The following DTNB variants were observed in gnomAD, a reference collection of about 807,000 sequenced individuals.
DTNB encodes the protein DTN-B.
In DTNB, 63 loss-of-function variants were observed where a neutral mutation model predicts 90.7. The observed-to-expected ratio is 0.69, with a 90% CI of 0.57 to 0.86. The LOEUF is 0.86. Ranked by LOEUF, DTNB falls within the 40% of genes least tolerant of loss-of-function variation. The pLI, the probability that DTNB is intolerant of heterozygous loss-of-function variation, is 0.00. For synonymous variants in DTNB, 277 were observed against 286.7 expected, an observed-to-expected ratio of 0.97 and a Z score of 0.34; for missense variants, 744 against 807.1, an observed-to-expected ratio of 0.92 and a Z score of 0.95.
At chr2:25,478,303 C>T (rs556857427) in intron 10 of DTNB, among the ~76,000 whole-genome samples, 2 of 152,190 alleles carry the variant, frequency 1.3e-5, no homozygotes, top group Non-Finnish European at 2.9e-5. Context: ...GACCTCGTCC[C>T]TTTCACAGGA....
At chr2:25,636,766 TTA>T (rs1346413348) in intron 3 of DTNB, among the ~76,000 whole-genome samples, 1 of 152,136 alleles carries the variant, frequency 6.6e-6, no homozygotes, top group Non-Finnish European at 1.5e-5. Context: ...TTTTTTCCTA[TTA>T]TATGTTTTTA....
intron 2 of DTNB, among the ~76,000 whole-genome samples, chr2:25,643,512 AT>A (rs2078802906): frequency 6.6e-6 from 1 of 152,256 alleles, no homozygotes. Context: ...AAAAACTCTG[AT>A]CTACTTTCTC....
chr2:25,534,626 C>T (rs369685506), intron 8 of DTNB, among the ~76,000 whole-genome samples: 32 of 144,802 alleles, frequency 2.2e-4, no homozygotes, highest in South Asian at 4.5e-4. Context: ...CCAGTCGGGG[C>T]GGCCGGGCAG....
intron 4 of DTNB, among the ~76,000 whole-genome samples, chr2:25,618,008 C>T (rs1414681461): frequency 6.6e-6 from 1 of 152,120 alleles, no homozygotes; most frequent in Non-Finnish European, 1.5e-5. Context: ...CCACAAATCA[C>T]GTTACTTATA....
intron 1 of DTNB, among the ~76,000 whole-genome samples, chr2:25,659,309 C>A (rs2082686157): frequency 1.3e-5 from 2 of 152,110 alleles, no homozygotes; most frequent in African/African-American, 2.4e-5. Flanking sequence ...TTTAGGTGCA[C>A]ATGAAACATG....
chr2:25,451,412 T>C (rs2059260213), intron 12 of DTNB, 136 bp downstream of exon 12: 1 of 888,254 alleles, frequency 1.1e-6, no homozygotes, highest in Non-Finnish European at 1.7e-6. Context: ...TTCCTTCTAC[T>C]CTTAGCATGT....
At chr2:25,590,999 G>A (rs534885730) in intron 6 of DTNB, among the ~76,000 whole-genome samples, 5 of 152,356 alleles carry the variant, frequency 3.3e-5, no homozygotes, top group Admixed American at 2.0e-4. Context: ...CCCAAAGTCC[G>A]GGGGTGCTGA....
At chr2:25,446,611 A>G (rs1049821493) in intron 12 of DTNB, among the ~76,000 whole-genome samples, 1 of 151,884 alleles carries the variant, frequency 6.6e-6, no homozygotes, top group Non-Finnish European at 1.5e-5. Flanking sequence ...GTTTCTGGGG[A>G]GAAATCTAGT....
At chr2:25,427,180 A>AACAAACAC in intron 15 of DTNB, among the ~76,000 whole-genome samples, 1 of 139,656 alleles carries the variant, frequency 7.2e-6, no homozygotes, top group Admixed American at 7.2e-5. Flanking sequence ...TCCATCTCAA[A>AACAAACAC]ACACACACAC....
At chr2:25,624,997 T>C (rs1202901339) in intron 4 of DTNB, among the ~76,000 whole-genome samples, 1 of 152,190 alleles carries the variant, frequency 6.6e-6, no homozygotes, top group Non-Finnish European at 1.5e-5. Context: ...TAAAAAAAAT[T>C]AGGTCTTAAG....
At chr2:25,431,005 T>G (rs2053675100) in intron 14 of DTNB, among the ~76,000 whole-genome samples, 1 of 152,210 alleles carries the variant, frequency 6.6e-6, no homozygotes, top group African/African-American at 2.4e-5. Flanking sequence ...GTGCTGGCAG[T>G]CCCTGGCCTC....
intron 14 of DTNB, chr2:25,427,849 G>A (rs1422638318): frequency 1.4e-5 from 6 of 418,362 alleles, no homozygotes; most frequent in Non-Finnish European, 2.1e-5. Context: ...GGAAAGTTTA[G>A]ATGACTATAT....
chr2:25,553,667 G>A (rs149691730), intron 8 of DTNB, among the ~76,000 whole-genome samples: 130 of 150,930 alleles, frequency 8.6e-4, no homozygotes, highest in Middle Eastern at 3.4e-3. Flanking sequence ...TTGAACCTGG[G>A]AGGCGGAGGT....
At chr2:25,390,754 T>C (rs1220028499) in intron 16 of DTNB, among the ~76,000 whole-genome samples, 2 of 152,066 alleles carry the variant, frequency 1.3e-5, no homozygotes, top group Non-Finnish European at 2.9e-5. Flanking sequence ...ACCAAACTTC[T>C]GCTTTTCAAA....
chr2:25,526,460 A>T (rs1406760666), intron 9 of DTNB, among the ~76,000 whole-genome samples: 1 of 144,664 alleles, frequency 6.9e-6, no homozygotes. Flanking sequence ...CAATGGCGCG[A>T]TCTCAGCTCA....
At chr2:25,474,843 A>T (rs866754674) in intron 10 of DTNB, among the ~76,000 whole-genome samples, 21 of 152,260 alleles carry the variant, frequency 1.4e-4, no homozygotes, top group South Asian at 2.1e-4. Context: ...CTCCATTATT[A>T]TCATCATATC....
chr2:25,657,796 A>G (rs761883057), intron 1 of DTNB, among the ~76,000 whole-genome samples: 1 of 152,246 alleles, frequency 6.6e-6, no homozygotes, highest in Non-Finnish European at 1.5e-5. Context: ...AAAAGCTCTG[A>G]ACAGAAATCT....
At chr2:25,520,019 T>C (rs1365907754) in intron 9 of DTNB, among the ~76,000 whole-genome samples, 1 of 152,192 alleles carries the variant, frequency 6.6e-6, no homozygotes, top group Admixed American at 6.5e-5. Context: ...TTATGAATTC[T>C]GTAACACCCG....
In DTNB at chr2:25,377,567, ACT is replaced by A. The variant is rs1242910502; in HGVS notation, c.*30-16_*30-15del. Reference sequence around the variant, plus strand: ...CGTCCTCTGTGCCTGCGCAAGACACACTCACCGTTAGTCACGGGCACTGTTGA... The same window carrying A: ...CGTCCTCTGTGCCTGCGCAAGACACACACCGTTAGTCACGGGCACTGTTGA... On this transcript the variant is annotated splice_polypyrimidine_tract_variant and intron_variant, in intron 20 of 20. Transcript: ENST00000406818. 1 of 152,464 alleles carries A rather than the reference ACT, an allele frequency of 6.6e-6. No homozygotes were observed. The highest frequency in any genetic ancestry group is 1.5e-5 in the Non-Finnish European group (1 of 68,132). The allele number at this position is 152,464 out of a possible 1,614,324, so 9.4% of individuals were successfully genotyped here. A position where few individuals can be genotyped will look rare whatever the true frequency, so the allele number is the denominator to read the frequency against.
Sources: allele counts gnomAD v4.1 joint callset (sites outside exome capture counted in the v4.1 genomes callset), GRCh38; gene constraint gnomAD v4.1.1; transcripts MANE v1.5; gene names NCBI Gene and HGNC (gene_info 2026-07-23, HGNC 2026-07-21).